Variants in NELL1 observed in about 807,000 individuals in gnomAD.
NELL1 encodes neural EGFL like 1.
Under a neutral mutation model 107.4 loss-of-function variants are expected in NELL1, and 76 were observed. The ratio of observed to expected loss-of-function variants is 0.71; its 90% CI spans 0.59 to 0.86. The LOEUF is 0.86. Ranked by LOEUF, NELL1 falls within the 40% of genes least tolerant of loss-of-function variation. The pLI is 0.00. For synonymous variants in NELL1, 353 were observed against 341.2 expected (o/e 1.03, Z -0.38); for missense variants, 1,024 against 1,005.5 (o/e 1.02, Z -0.25).
intron 15 of NELL1, among the ~76,000 whole-genome samples, chr11:21,378,637 T>C (rs868497004): frequency 6.6e-6 from 1 of 151,954 alleles, no homozygotes; most frequent in South Asian, 2.1e-4. Context: ...TTATCCTCTT[T>C]CTTAGAAGAA....
chr11:21,502,944 A>G (rs1191971290), intron 15 of NELL1, among the ~76,000 whole-genome samples: 1 of 152,168 alleles, frequency 6.6e-6, no homozygotes, highest in Non-Finnish European at 1.5e-5. Flanking sequence ...GTGCAATGGC[A>G]TGATCTAGGC....
intron 13 of NELL1, among the ~76,000 whole-genome samples, chr11:21,153,287 C>T (rs1483719258): frequency 6.6e-6 from 1 of 151,906 alleles, no homozygotes; most frequent in African/African-American, 2.4e-5. Flanking sequence ...CAGTTTGGGG[C>T]CTTGTGTCTG....
At chr11:20,735,752 G>A (rs1321798872) in intron 2 of NELL1, among the ~76,000 whole-genome samples, 1 of 152,156 alleles carries the variant, frequency 6.6e-6, no homozygotes, top group Non-Finnish European at 1.5e-5. Context: ...AGCTGTTTAT[G>A]GGGTTAGATA....
intron 14 of NELL1, among the ~76,000 whole-genome samples, chr11:21,277,800 C>CA (rs536152744): frequency 3.1e-3 from 467 of 152,130 alleles, no homozygotes; most frequent in Non-Finnish European, 5.7e-3. Context: ...GTTGCAAGGA[C>CA]AAAAAACCAA....
At chr11:21,458,025 G>T (rs61494052) in intron 15 of NELL1, among the ~76,000 whole-genome samples, 1 of 151,584 alleles carries the variant, frequency 6.6e-6, no homozygotes, top group Admixed American at 6.6e-5. Context: ...ATCAGGTGAT[G>T]GAGACCAAGG....
At chr11:20,787,020 A>AAAAG (rs1564909196) in intron 3 of NELL1, among the ~76,000 whole-genome samples, 1 of 146,246 alleles carries the variant, frequency 6.8e-6, no homozygotes, top group African/African-American at 2.7e-5. Flanking sequence ...AAAAAAAAAA[A>AAAAG]AAAAAAAAAA....
intron 13 of NELL1, among the ~76,000 whole-genome samples, chr11:21,225,162 C>T (rs1857861539): frequency 6.6e-6 from 1 of 152,142 alleles, no homozygotes; most frequent in South Asian, 2.1e-4. Flanking sequence ...GGAATATGGA[C>T]ATGCAGGGAC....
At chr11:20,939,891 C>A (rs1469837845) in intron 10 of NELL1, among the ~76,000 whole-genome samples, 2 of 152,158 alleles carry the variant, frequency 1.3e-5, no homozygotes, top group African/African-American at 4.8e-5. Flanking sequence ...TGGCTATCTA[C>A]ACAAACTCTC....
chr11:21,413,352 G>T (rs1852426935), intron 15 of NELL1, among the ~76,000 whole-genome samples: 1 of 151,828 alleles, frequency 6.6e-6, no homozygotes, highest in Non-Finnish European at 1.5e-5. Context: ...GGTGCTGGGG[G>T]TGGGGGGGAG....
intron 13 of NELL1, among the ~76,000 whole-genome samples, chr11:21,216,126 T>A (rs1857607487): frequency 6.6e-6 from 1 of 152,186 alleles, no homozygotes; most frequent in African/African-American, 2.4e-5. Flanking sequence ...CTTTTCCCAT[T>A]ACTTCTGAGG....
At chr11:20,853,738 G>T (rs1488568079) in intron 4 of NELL1, among the ~76,000 whole-genome samples, 1 of 152,192 alleles carries the variant, frequency 6.6e-6, no homozygotes, top group African/African-American at 2.4e-5. Context: ...GTGTAATGTA[G>T]ATTCACTGAA....
intron 5 of NELL1, among the ~76,000 whole-genome samples, chr11:20,889,971 C>A (rs2134113975): frequency 6.6e-6 from 1 of 152,296 alleles, no homozygotes; most frequent in Non-Finnish European, 1.5e-5. Context: ...TAGGTTTCCC[C>A]CCAGCAAAGC....
chr11:21,572,247 G>A (rs1489497283), intron 18 of NELL1, among the ~76,000 whole-genome samples: 1 of 151,776 alleles, frequency 6.6e-6, no homozygotes, highest in Admixed American at 6.6e-5. Context: ...AATTTCAAAA[G>A]TGTATCCTCT....
intron 4 of NELL1, among the ~76,000 whole-genome samples, chr11:20,872,005 A>C (rs12806353): frequency 0.83 from 104,899 of 126,352 alleles, 43,757 homozygotes; most frequent in East Asian, 0.95. Flanking sequence ...GGCGACAGAG[A>C]AAGACTCCGT....
intron 13 of NELL1, among the ~76,000 whole-genome samples, chr11:21,149,675 T>G (rs79570088): frequency 1.3e-5 from 2 of 152,156 alleles, no homozygotes; most frequent in African/African-American, 4.8e-5. Context: ...TGTTTTTTCA[T>G]GTAGTCAAAC....
intron 14 of NELL1, among the ~76,000 whole-genome samples, chr11:21,263,171 G>T (rs1237354675): frequency 6.6e-6 from 1 of 151,848 alleles, no homozygotes; most frequent in East Asian, 1.9e-4. Context: ...TGTTAATGGA[G>T]TTCTCACATC....
intron 12 of NELL1, among the ~76,000 whole-genome samples, chr11:21,066,467 G>T (rs766894166): frequency 3.9e-5 from 6 of 152,120 alleles, no homozygotes; most frequent in Non-Finnish European, 8.8e-5. Context: ...ATGGACTAGG[G>T]ATTTAGACTT....
At chr11:21,409,894 T>C (rs1852333590) in intron 15 of NELL1, among the ~76,000 whole-genome samples, 1 of 151,460 alleles carries the variant, frequency 6.6e-6, no homozygotes, top group South Asian at 2.1e-4. Flanking sequence ...AAACAAAAAA[T>C]GAAAGAATGC....
chr11:21,487,793 A>G (rs975794787), intron 15 of NELL1, among the ~76,000 whole-genome samples: 1 of 152,152 alleles, frequency 6.6e-6, no homozygotes, highest in Non-Finnish European at 1.5e-5. Flanking sequence ...AATGCACTTT[A>G]CCTGTAAGGA....
Sources: gnomAD v4.1 joint callset for allele counts (sites outside exome capture counted in the v4.1 genomes callset) on GRCh38, gnomAD v4.1.1 for gene constraint, MANE v1.5 for transcripts, NCBI Gene and HGNC (gene_info 2026-07-23, HGNC 2026-07-21) for gene names.